The following MAPKAPK5 variants were observed in gnomAD, a reference collection of about 807,000 sequenced individuals.
MAPKAPK5 encodes MAPK activated protein kinase 5.
Under a neutral mutation model 65.1 loss-of-function variants are expected in MAPKAPK5, and 30 were observed. The ratio of observed to expected loss-of-function variants is 0.46; its 90% CI spans 0.34 to 0.63. MAPKAPK5 has a LOEUF of 0.63. Ranked by LOEUF, MAPKAPK5 falls within the 20% of genes least tolerant of loss-of-function variation. The probability of loss-of-function intolerance (pLI) is 0.01; values close to 1 mark genes in which losing one functional copy is unlikely to be tolerated. For missense variants in MAPKAPK5, 433 were observed against 581.4 expected (o/e 0.74, Z 2.63); for synonymous variants, 179 against 204.6 (o/e 0.87, Z 1.07).
At chr12:111,870,225 A>C (rs749355237) in intron 5 of MAPKAPK5, 46 bp from the exon 6 acceptor site, 1 of 1,395,378 alleles carries the variant, frequency 7.2e-7, no homozygotes, top group Non-Finnish European at 1.0e-6. Flanking sequence ...TGTATTAAAG[A>C]GTGGTCTTTT....
intron 1 of MAPKAPK5, among the ~76,000 whole-genome samples, chr12:111,854,149 A>G (rs1387487635): frequency 6.6e-6 from 1 of 152,036 alleles, no homozygotes; most frequent in East Asian, 1.9e-4. Flanking sequence ...ATGTAATGCT[A>G]GCTTTATAGA....
intron 1 of MAPKAPK5, among the ~76,000 whole-genome samples, chr12:111,855,610 C>T (rs181654091): frequency 0.013 from 2,002 of 152,104 alleles, 52 homozygotes; most frequent in African/African-American, 0.046. Context: ...AGGCGGATCA[C>T]GAGGTCAGGA....
Position 111,899,998 on chromosome 12 carries a change from A to C in MAPKAPK5, c.*6937A>C. Reference sequence around the variant, plus strand: ...GTCGTGGTCAACAACCAGCGGTTCCAGATGTGGGGCAGTAACGTCAATGAG... The same window carrying C: ...GTCGTGGTCAACAACCAGCGGTTCCCGATGTGGGGCAGTAACGTCAATGAG... On this transcript the variant is annotated 3_prime_UTR_variant, in exon 14 of 14. Transcript: ENST00000550735. The C allele has an allele frequency of 2.2e-6, 1 of 456,100 alleles. No individual in the cohort carries two copies. The highest frequency in any genetic ancestry group is 4.4e-6 in the Non-Finnish European group (1 of 226,802). 28.3% of individuals were successfully genotyped at this position (456,100 alleles called of 1,614,324 possible). A position where few individuals can be genotyped will look rare whatever the true frequency, so the allele number is the denominator to read the frequency against.
At position 111,888,964 on chromosome 12, in the gene MAPKAPK5, C is replaced by G. The variant is rs751979756; in HGVS notation, c.1180C>G (p.Arg394Gly). The change falls in exon 12 of 14, where the codon CGA becomes GGA. Residue 394 changes from arginine to glycine, a missense_variant. Transcript: ENST00000550735. ...TTCCAATGTTGCCTTGGAAAAACTC[C>G]GAGATGTGATTGCTCAGTGTATTCT... is the stretch of plus-strand genomic sequence containing the variant. ...EDSNVALEKLRDVIAQCILPQ... is the reference protein window; with the variant it reads ...EDSNVALEKLGDVIAQCILPQ... The G allele has an allele frequency of 6.2e-7, 1 of 1,604,854 alleles. No homozygotes were observed. Among genetic ancestry groups the G allele is most frequent in the Non-Finnish European group, 8.5e-7 (1 of 1,175,734 alleles).
At chr12:111,881,594 T>C (rs7961704) in intron 8 of MAPKAPK5, among the ~76,000 whole-genome samples, 29,416 of 150,588 alleles carry the variant, frequency 0.2, 3,059 homozygotes, top group Middle Eastern at 0.27. Flanking sequence ...TTAGGAGAGA[T>C]GAGGATTCAC....
At chr12:111,855,498 C>G (rs561853368) in intron 1 of MAPKAPK5, among the ~76,000 whole-genome samples, 1 of 152,136 alleles carries the variant, frequency 6.6e-6, no homozygotes, top group South Asian at 2.1e-4. Flanking sequence ...TCTAATATCT[C>G]ATGTTAAATC....
At chr12:111,844,163 T>A (rs1328769224) in intron 1 of MAPKAPK5, among the ~76,000 whole-genome samples, 1 of 151,540 alleles carries the variant, frequency 6.6e-6, no homozygotes, top group Non-Finnish European at 1.5e-5. Context: ...TCTAAAAGAC[T>A]GCCTTGACAT....
In MAPKAPK5 at chr12:111,899,723, G is replaced by A. The variant is rs2070956806; in HGVS notation, c.*6662G>A. On this transcript the variant is annotated 3_prime_UTR_variant, in exon 14 of 14. Transcript: ENST00000550735. ...ACTATGAAGGCTACATAGAAGGAGT[G>A]TCAGGTTCTTTTGTTTCTGTCAACA... 6.1e-6 allele frequency: 2 copies of A among 328,206 alleles called. No individual in the cohort carries two copies. The highest frequency in any genetic ancestry group is 6.1e-6 in the Non-Finnish European group (1 of 163,426). 20.3% of individuals were successfully genotyped at this position (328,206 alleles called of 1,614,324 possible). A position where few individuals can be genotyped will look rare whatever the true frequency, so the allele number is the denominator to read the frequency against.
At chr12:111,851,949 C>T (rs1342213779) in intron 1 of MAPKAPK5, among the ~76,000 whole-genome samples, 2 of 152,134 alleles carry the variant, frequency 1.3e-5, no homozygotes, top group Non-Finnish European at 2.9e-5. Flanking sequence ...CTAATAGACA[C>T]CACACCTGAG....
rs1566292209 is a variant in MAPKAPK5, at chr12:111,897,792, G to A, written c.*4731G>A. The A allele has an allele frequency of 6.6e-6, 1 of 152,012 alleles. No individual in the cohort carries two copies. Among genetic ancestry groups the A allele is most frequent in the Non-Finnish European group, 1.5e-5 (1 of 68,022 alleles). The allele number at this position is 152,012 out of a possible 1,614,324, so 9.4% of individuals were successfully genotyped here. A position where few individuals can be genotyped will look rare whatever the true frequency, so the allele number is the denominator to read the frequency against. On this transcript the variant is annotated 3_prime_UTR_variant, in exon 14 of 14. Transcript: ENST00000550735. ...GAATAAATTGATCTGCTCTCATGCT[G>A]TTATCTAAGATCTTATGCTACCATT...
chr12:111,844,860 A>T (rs1001863537), intron 1 of MAPKAPK5, among the ~76,000 whole-genome samples: 57 of 152,184 alleles, frequency 3.7e-4, no homozygotes, highest in African/African-American at 1.4e-3. Context: ...TTGAGGTAGA[A>T]GCAGGTGTAG....
Position 111,896,922 on chromosome 12 carries a change from A to G in MAPKAPK5, c.*3861A>G, listed in dbSNP as rs185110279. ...TGAGGCGGGCAGATCACCTTAGGTC[A>G]AGAGTTCAAGACCAGCTTGGCCAAC... is the stretch of plus-strand genomic sequence containing the variant. On this transcript the variant is annotated 3_prime_UTR_variant, in exon 14 of 14. Transcript: ENST00000550735. 6 of 152,300 alleles carry G rather than the reference A, an allele frequency of 3.9e-5. No individual in the cohort carries two copies. In the East Asian group the frequency reaches 1.2e-3, roughly 29 times the overall value. 9.4% of individuals were successfully genotyped at this position (152,300 alleles called of 1,614,324 possible).
intron 1 of MAPKAPK5, among the ~76,000 whole-genome samples, chr12:111,864,480 G>C (rs374255216): frequency 1.4e-3 from 207 of 152,308 alleles, no homozygotes; most frequent in African/African-American, 4.8e-3. Flanking sequence ...GATTACAGGT[G>C]TGAGCCCGGC....
intron 1 of MAPKAPK5, among the ~76,000 whole-genome samples, chr12:111,845,595 G>T (rs2068881202): frequency 2.0e-5 from 3 of 152,060 alleles, no homozygotes; most frequent in Admixed American, 2.0e-4. Context: ...AGTTTTTGAG[G>T]ATTAAATGAG....
At position 111,844,326 on chromosome 12, in the gene MAPKAPK5, G is replaced by C. The variant is rs892582327; in HGVS notation, c.36+1557G>C. ...CTGCCTCAGCCTCCCCAGTAGCTGG[G>C]ACTACAGGCACGTGCCACCACACCC... On this transcript the variant is annotated intron_variant, in intron 1 of 13. Coordinates refer to ENST00000550735, the MANE Select transcript of MAPKAPK5 (RefSeq NM_003668.4). Among the ~76,000 whole-genome samples the C allele has an allele frequency of 9.9e-5, 15 of 151,830 alleles. 1 individual carries two copies. Among genetic ancestry groups the C allele is most frequent in the Non-Finnish European group, 1.6e-4 (11 of 67,992 alleles).
chr12:111,862,402 TAGTA>T (rs2069469134), intron 1 of MAPKAPK5, among the ~76,000 whole-genome samples: 1 of 152,128 alleles, frequency 6.6e-6, no homozygotes, highest in Admixed American at 6.6e-5. Context: ...AGTACTAACT[TAGTA>T]AGTACAGTGG....
chr12:111,891,167 T>C (rs2070590146), intron 13 of MAPKAPK5, among the ~76,000 whole-genome samples: 1 of 151,142 alleles, frequency 6.6e-6, no homozygotes, highest in Non-Finnish European at 1.5e-5. Context: ...GATCTTGACT[T>C]ACTGCAACCT....
intron 7 of MAPKAPK5, among the ~76,000 whole-genome samples, chr12:111,875,004 C>T (rs1287099273): frequency 6.6e-6 from 1 of 151,970 alleles, no homozygotes; most frequent in Non-Finnish European, 1.5e-5. Context: ...GTCTCAATCT[C>T]CTGACCTCAT....
In MAPKAPK5 at chr12:111,885,952, C is replaced by G; in HGVS notation, c.885C>G (p.Ile295Met). ...TCAAACCGGAGGAGAGACTCACCAT[C>G]GAGGGAGTGCTGGACCACCCCTGGC... The part of the protein sequence containing the change: ...LKVKPEERLT[I>M]EGVLDHPWLN... The change falls in exon 10 of 14, where the codon ATC (isoleucine) becomes ATG (methionine). Residue 295 changes from isoleucine to methionine, a missense_variant. By Grantham distance (10) the Ile-to-Met change is conservative (BLOSUM62 1). Transcript: ENST00000550735. The G allele has an allele frequency of 6.2e-7, 1 of 1,614,000 alleles. No individual in the cohort carries two copies. Among genetic ancestry groups the G allele is most frequent in the Non-Finnish European group, 8.5e-7 (1 of 1,179,890 alleles).
Sources: allele counts gnomAD v4.1 joint callset (sites outside exome capture counted in the v4.1 genomes callset), GRCh38; gene constraint gnomAD v4.1.1; transcripts MANE v1.5; gene names NCBI Gene and HGNC (gene_info 2026-07-23, HGNC 2026-07-21).